Variants in GRM7 observed in about 807,000 individuals in gnomAD.
The protein encoded by GRM7 is glutamate metabotropic receptor 7.
Under a neutral mutation model 84.5 loss-of-function variants are expected in GRM7, and 35 were observed. The ratio of observed to expected loss-of-function variants is 0.41; its 90% CI spans 0.32 to 0.55. The LOEUF is 0.55. Ranked by LOEUF, GRM7 falls within the 20% of genes least tolerant of loss-of-function variation. The pLI, the probability that GRM7 is intolerant of heterozygous loss-of-function variation, is 0.19. For synonymous variants in GRM7, 487 were observed against 455.1 expected, an observed-to-expected ratio of 1.07 and a Z score of -0.89; for missense variants, 1,003 against 1,194.6, an observed-to-expected ratio of 0.84 and a Z score of 2.36.
At chr3:7,698,951 G>A (rs926593784) in intron 9 of GRM7, among the ~76,000 whole-genome samples, 2 of 152,288 alleles carry the variant, frequency 1.3e-5, no homozygotes, top group African/African-American at 4.8e-5. Context: ...CCAAGGAGTA[G>A]CAGAAAAGAT....
At chr3:6,999,075 C>T (rs1264173600) in intron 1 of GRM7, among the ~76,000 whole-genome samples, 2 of 152,174 alleles carry the variant, frequency 1.3e-5, no homozygotes, top group Non-Finnish European at 2.9e-5. Flanking sequence ...TGCAAACTTT[C>T]CAAATTTTTT....
chr3:7,131,723 C>A (rs1574943427), intron 1 of GRM7, among the ~76,000 whole-genome samples: 1 of 152,168 alleles, frequency 6.6e-6, no homozygotes, highest in East Asian at 1.9e-4. Context: ...GTGATCCACC[C>A]GTCTCGGCCT....
At chr3:7,400,850 A>G (rs1695418474) in intron 4 of GRM7, among the ~76,000 whole-genome samples, 1 of 152,170 alleles carries the variant, frequency 6.6e-6, no homozygotes, top group South Asian at 2.1e-4. Context: ...CTTATTCTGT[A>G]TGAGTTTCAG....
At chr3:6,885,589 C>T (rs1035039671) in intron 1 of GRM7, among the ~76,000 whole-genome samples, 2 of 152,156 alleles carry the variant, frequency 1.3e-5, no homozygotes, top group Non-Finnish European at 2.9e-5. Flanking sequence ...TGCCTCCTAC[C>T]ACACACCCAG....
chr3:7,403,168 G>C, intron 4 of GRM7: 1 of 446,314 alleles, frequency 2.2e-6, no homozygotes, highest in South Asian at 1.6e-5. Flanking sequence ...TTCTGTCATT[G>C]CCTGGAGAAA....
At chr3:7,546,392 C>T (rs368932763) in intron 7 of GRM7, among the ~76,000 whole-genome samples, 2 of 152,312 alleles carry the variant, frequency 1.3e-5, no homozygotes, top group African/African-American at 4.8e-5. Flanking sequence ...GTGCTAGTTT[C>T]AGGAAGTCTC....
chr3:6,875,355 G>A (rs920928538), intron 1 of GRM7, among the ~76,000 whole-genome samples: 1 of 152,036 alleles, frequency 6.6e-6, no homozygotes, highest in African/African-American at 2.4e-5. Flanking sequence ...TGCTGAGGGC[G>A]GGGCCAGGTA....
intron 8 of GRM7, among the ~76,000 whole-genome samples, chr3:7,618,937 C>A (rs1697236852): frequency 1.3e-5 from 2 of 152,052 alleles, no homozygotes. Flanking sequence ...TGTAAAAGTG[C>A]CTATCACCAG....
intron 4 of GRM7, among the ~76,000 whole-genome samples, chr3:7,332,988 C>T (rs996127527): frequency 2.6e-5 from 4 of 152,112 alleles, no homozygotes; most frequent in African/African-American, 9.7e-5. Context: ...AAGCTTATAT[C>T]CCCCTTCTAC....
At chr3:6,994,509 G>A (rs1360139073) in intron 1 of GRM7, among the ~76,000 whole-genome samples, 1 of 152,146 alleles carries the variant, frequency 6.6e-6, no homozygotes, top group Non-Finnish European at 1.5e-5. Context: ...TTTCTAAACT[G>A]ACCCTATGAG....
At chr3:7,207,241 C>T (rs917471799) in intron 2 of GRM7, among the ~76,000 whole-genome samples, 7 of 152,096 alleles carry the variant, frequency 4.6e-5, no homozygotes, top group African/African-American at 1.7e-4. Flanking sequence ...GTTGGCAATG[C>T]CCGAGGAGTT....
chr3:7,329,624 G>A (rs1301195002), intron 4 of GRM7, among the ~76,000 whole-genome samples: 1 of 152,062 alleles, frequency 6.6e-6, no homozygotes, highest in African/African-American at 2.4e-5. Context: ...ATATATAAAT[G>A]AATATTTAAA....
intron 9 of GRM7, among the ~76,000 whole-genome samples, chr3:7,717,678 A>G (rs1008339417): frequency 6.6e-6 from 1 of 152,110 alleles, no homozygotes; most frequent in African/African-American, 2.4e-5. Flanking sequence ...GCCAGGTGCA[A>G]TGGCCCACCA....
chr3:7,716,789 A>T (rs1219845369), intron 9 of GRM7, among the ~76,000 whole-genome samples: 1 of 152,240 alleles, frequency 6.6e-6, no homozygotes, highest in African/African-American at 2.4e-5. Context: ...AGATTCATGC[A>T]AACCAATTCC....
In GRM7 at chr3:7,495,724, A is replaced by T. The variant is rs1016742809; in HGVS notation, c.1515+34002A>T. Among the ~76,000 whole-genome samples the T allele has an allele frequency of 6.6e-5, 10 of 152,182 alleles. No individual in the cohort carries two copies. In the East Asian group the frequency reaches 1.9e-3, roughly 29 times the overall value. On this transcript the variant is annotated intron_variant, in intron 7 of 9. Transcript: ENST00000357716. ...GTCAGAGGGATTCCTGCATGAGGAA[A>T]GCATAAACCTACCTTGAACGTCTTC...
chr3:7,218,300 T>G (rs1238825690), intron 2 of GRM7, among the ~76,000 whole-genome samples: 2 of 152,166 alleles, frequency 1.3e-5, no homozygotes, highest in African/African-American at 4.8e-5. Context: ...TTTTCAGAAC[T>G]GAAAACCTGT....
chr3:6,945,081 C>G (rs541694461), intron 1 of GRM7, among the ~76,000 whole-genome samples: 1 of 151,284 alleles, frequency 6.6e-6, no homozygotes, highest in African/African-American at 2.4e-5. Flanking sequence ...TTAAATTATA[C>G]TTTAAGTTTT....
intron 8 of GRM7, among the ~76,000 whole-genome samples, chr3:7,616,753 A>G (rs946910106): frequency 6.6e-6 from 1 of 152,170 alleles, no homozygotes; most frequent in Non-Finnish European, 1.5e-5. Context: ...CTAAAATTAC[A>G]AACTAATGAA....
At chr3:7,299,994 T>C (rs907809386) in intron 3 of GRM7, among the ~76,000 whole-genome samples, 1 of 151,322 alleles carries the variant, frequency 6.6e-6, no homozygotes, top group African/African-American at 2.4e-5. Context: ...ACTTTTTATA[T>C]ATATTATAAA....
Sources: allele counts gnomAD v4.1 joint callset (sites outside exome capture counted in the v4.1 genomes callset), GRCh38; gene constraint gnomAD v4.1.1; transcripts MANE v1.5; gene names NCBI Gene and HGNC (gene_info 2026-07-23, HGNC 2026-07-21).